The following SLC35F1 variants were observed in gnomAD, a reference collection of about 807,000 sequenced individuals.
SLC35F1 encodes chromosome 6 open reading frame 169.
SLC35F1 carries 14 observed loss-of-function variants against 48.7 expected under a neutral mutation model. The ratio of observed to expected loss-of-function variants is 0.29; its 90% CI spans 0.19 to 0.45. The LOEUF (loss-of-function observed/expected upper bound fraction) is 0.45. SLC35F1 is among the 20% of genes least tolerant of loss of function. The probability of loss-of-function intolerance (pLI) is 1.00; values close to 1 mark genes in which losing one functional copy is unlikely to be tolerated. For missense variants in SLC35F1, 404 were observed against 500.0 expected, an observed-to-expected ratio of 0.81 and a Z score of 1.83; for synonymous variants, 190 against 202.2, an observed-to-expected ratio of 0.94 and a Z score of 0.51.
chr6:118,096,123 C>T (rs183952402), intron 1 of SLC35F1, among the ~76,000 whole-genome samples: 1 of 152,186 alleles, frequency 6.6e-6, no homozygotes, highest in Non-Finnish European at 1.5e-5. Flanking sequence ...TTTCTCCAAA[C>T]TTTTTGGATC....
intron 1 of SLC35F1, among the ~76,000 whole-genome samples, chr6:118,037,289 A>G (rs1772148312): frequency 1.3e-5 from 2 of 152,290 alleles, no homozygotes; most frequent in African/African-American, 4.8e-5. Context: ...CTGCTCTGAC[A>G]GTCTCTGCCT....
chr6:117,928,210 G>A (rs1776053492), intron 1 of SLC35F1, among the ~76,000 whole-genome samples: 1 of 152,134 alleles, frequency 6.6e-6, no homozygotes, highest in African/African-American at 2.4e-5. Context: ...GGAAATAAAT[G>A]AGAGCGAATA....
chr6:118,008,160 A>G (rs1012776137), intron 1 of SLC35F1, among the ~76,000 whole-genome samples: 3 of 152,130 alleles, frequency 2.0e-5, no homozygotes, highest in Non-Finnish European at 4.4e-5. Context: ...GTATATCCCA[A>G]TTACCCTGAT....
chr6:118,178,286 C>T (rs1282403352), intron 2 of SLC35F1, among the ~76,000 whole-genome samples: 3 of 152,084 alleles, frequency 2.0e-5, no homozygotes, highest in African/African-American at 7.2e-5. Context: ...CCACACCTCT[C>T]TTGTTAGAGG....
chr6:118,278,282 T>C (rs1431576646), intron 6 of SLC35F1, among the ~76,000 whole-genome samples: 3 of 152,158 alleles, frequency 2.0e-5, no homozygotes, highest in Non-Finnish European at 4.4e-5. Flanking sequence ...TGGAATTGCA[T>C]GGAAAATGTG....
At chr6:118,261,208 C>A (rs923827868) in intron 3 of SLC35F1, among the ~76,000 whole-genome samples, 1 of 152,228 alleles carries the variant, frequency 6.6e-6, no homozygotes, top group Non-Finnish European at 1.5e-5. Context: ...ACAGCCTCAC[C>A]TGTGGTGTGA....
chr6:118,070,777 C>T (rs1772691138), intron 1 of SLC35F1, among the ~76,000 whole-genome samples: 1 of 148,046 alleles, frequency 6.8e-6, no homozygotes, highest in Non-Finnish European at 1.5e-5. Context: ...GCCCATCTTC[C>T]ATCTCCCAAC....
intron 1 of SLC35F1, among the ~76,000 whole-genome samples, chr6:117,928,771 T>G (rs1035360882): frequency 6.6e-6 from 1 of 152,154 alleles, no homozygotes; most frequent in Non-Finnish European, 1.5e-5. Context: ...TGCTAACAGC[T>G]TGCTTCAATG....
At chr6:118,100,777 C>G (rs1333927195) in intron 1 of SLC35F1, among the ~76,000 whole-genome samples, 1 of 152,164 alleles carries the variant, frequency 6.6e-6, no homozygotes, top group Non-Finnish European at 1.5e-5. Context: ...TCTCCAGCCC[C>G]ACTCTATTCC....
intron 7 of SLC35F1, among the ~76,000 whole-genome samples, chr6:118,307,181 A>T (rs1359430767): frequency 6.6e-6 from 1 of 152,232 alleles, no homozygotes; most frequent in Non-Finnish European, 1.5e-5. Context: ...CGAATACAGA[A>T]TCCATTTGGC....
chr6:118,280,130 C>A (rs1346159398), intron 6 of SLC35F1, among the ~76,000 whole-genome samples: 1 of 152,048 alleles, frequency 6.6e-6, no homozygotes, highest in Admixed American at 6.6e-5. Flanking sequence ...TGTTTTTATT[C>A]CATTGTTTTA....
intron 1 of SLC35F1, among the ~76,000 whole-genome samples, chr6:117,987,298 C>CT (rs10540251): frequency 8.0e-5 from 12 of 149,658 alleles, no homozygotes; most frequent in African/African-American, 1.2e-4. Flanking sequence ...TCTTTCCCTT[C>CT]TTTTTTTTTT....
intron 1 of SLC35F1, among the ~76,000 whole-genome samples, chr6:117,917,016 CA>C (rs2114797614): frequency 6.6e-6 from 1 of 152,310 alleles, no homozygotes; most frequent in South Asian, 2.1e-4. Context: ...AGGTATCCAA[CA>C]GTGGCAAATA....
chr6:118,188,996 C>T (rs205934), intron 2 of SLC35F1, among the ~76,000 whole-genome samples: 4,964 of 152,172 alleles, frequency 0.033, 128 homozygotes, highest in South Asian at 0.07. Context: ...ACTGCAGCCT[C>T]GACCTCCTGG....
chr6:117,957,456 A>G (rs1177380581), intron 1 of SLC35F1, among the ~76,000 whole-genome samples: 1 of 152,230 alleles, frequency 6.6e-6, no homozygotes, highest in Non-Finnish European at 1.5e-5. Flanking sequence ...AAAAAGCTTG[A>G]ATTTTAGATG....
intron 2 of SLC35F1, among the ~76,000 whole-genome samples, chr6:118,222,964 T>G (rs1775170053): frequency 6.6e-6 from 1 of 152,160 alleles, no homozygotes; most frequent in Non-Finnish European, 1.5e-5. Flanking sequence ...TATTGTTTCT[T>G]TTAGTGGAAA....
intron 2 of SLC35F1, among the ~76,000 whole-genome samples, chr6:118,154,914 G>T (rs1307083102): frequency 6.6e-6 from 1 of 152,148 alleles, no homozygotes; most frequent in Non-Finnish European, 1.5e-5. Flanking sequence ...GGAATTAAAT[G>T]AGTTTTTCCC....
At chr6:118,152,423 C>T (rs540978471) in intron 1 of SLC35F1, among the ~76,000 whole-genome samples, 38 of 152,296 alleles carry the variant, frequency 2.5e-4, no homozygotes, top group African/African-American at 9.1e-4. Context: ...TGCCCTAAAA[C>T]AGCCTCATGT....
At chr6:118,282,340 C>A (rs140136041) in intron 6 of SLC35F1, among the ~76,000 whole-genome samples, 1 of 152,206 alleles carries the variant, frequency 6.6e-6, no homozygotes, top group Non-Finnish European at 1.5e-5. Flanking sequence ...AGTATATTCA[C>A]ATGCAAAAAC....
Sources: gnomAD v4.1 joint callset for allele counts (sites outside exome capture counted in the v4.1 genomes callset) on GRCh38, gnomAD v4.1.1 for gene constraint, MANE v1.5 for transcripts, NCBI Gene and HGNC (gene_info 2026-07-23, HGNC 2026-07-21) for gene names.